The following STXBP6 variants were observed in gnomAD, a reference collection of about 807,000 sequenced individuals.
The protein encoded by STXBP6 is syntaxin binding protein 6.
A neutral mutation model predicts 26.9 loss-of-function variants in STXBP6; 21 were observed. That is an observed-to-expected ratio of 0.78 (90% confidence interval 0.55 to 1.12). STXBP6 has a LOEUF of 1.12. STXBP6 is among the 50% of genes most tolerant of loss of function. The pLI is 0.00. For synonymous variants in STXBP6, 97 were observed against 92.6 expected, an observed-to-expected ratio of 1.05 and a Z score of -0.27; for missense variants, 232 against 257.9, an observed-to-expected ratio of 0.90 and a Z score of 0.69.
intron 2 of STXBP6, 67 bp downstream of exon 2, chr14:24,974,598 A>G: frequency 1.4e-6 from 2 of 1,395,396 alleles, no homozygotes; most frequent in Non-Finnish European, 1.9e-6. Flanking sequence ...AACCTCCTGG[A>G]TACCTCAGAA....
chr14:25,016,435 T>A (rs1312515492), intron 1 of STXBP6, among the ~76,000 whole-genome samples: 1 of 152,212 alleles, frequency 6.6e-6, no homozygotes, highest in African/African-American at 2.4e-5. Context: ...ACTGAGGTCC[T>A]AGGCAATCCT....
chr14:24,976,852 C>CTTTTTTTTTTTTTTTTTTTTTTTT lies in STXBP6; in HGVS notation c.-32-2026_-32-2003dup, dbSNP rs71121808. ...CAAAGTCCTGAGCTGACTGGGCGCT[C>CTTTTTTTTTTTTTTTTTTTTTTTT]TTTTTTTTTTTTTTTTTTTTTTTTT... is the stretch of plus-strand genomic sequence containing the variant. On this transcript the variant is annotated intron_variant, in intron 1 of 5. Transcript: ENST00000323944. Among the ~76,000 whole-genome samples, 5 of 45,276 alleles carry CTTTTTTTTTTTTTTTTTTTTTTTT rather than the reference C, an allele frequency of 1.1e-4. 1 individual carries two copies. Among genetic ancestry groups the CTTTTTTTTTTTTTTTTTTTTTTTT allele is most frequent in the African/African-American group, 5.6e-4 (5 of 8,900 alleles). 29.7% of individuals were successfully genotyped at this position (45,276 alleles called of 152,430 possible).
chr14:24,927,004 T>C (rs2072199340), intron 2 of STXBP6, among the ~76,000 whole-genome samples: 1 of 152,052 alleles, frequency 6.6e-6, no homozygotes, highest in Non-Finnish European at 1.5e-5. Flanking sequence ...AACAATGGGG[T>C]GAAATTAAAA....
intron 1 of STXBP6, among the ~76,000 whole-genome samples, chr14:24,998,253 T>C (rs2074657668): frequency 6.6e-6 from 1 of 152,218 alleles, no homozygotes; most frequent in South Asian, 2.1e-4. Flanking sequence ...TGGGTTATTA[T>C]GTTGATTGTC....
At chr14:24,815,579 C>T (rs1315190578) in intron 5 of STXBP6, 2 of 151,910 alleles carry the variant, frequency 1.3e-5, no homozygotes, top group African/African-American at 4.8e-5. Context: ...GCCATTCCCT[C>T]GCAGTGAGAG....
At position 24,953,541 on chromosome 14, in the gene STXBP6, C is replaced by A. The variant is rs1360637884; in HGVS notation, c.154+21124G>T. 2.0e-5 allele frequency among the ~76,000 whole-genome samples: 3 copies of A among 152,206 alleles called. No individual in the cohort carries two copies. The East Asian group carries it at 5.8e-4, about 29-fold the overall frequency. On this transcript the variant is annotated intron_variant, in intron 2 of 5. Coordinates refer to ENST00000323944, the MANE Select transcript of STXBP6 (RefSeq NM_001394410.1). ...TGCTGCTCCCACGCTTTCCGCATGT[C>A]CCCAGGAAACTCTTTTTCAACCCTC... is the stretch of plus-strand genomic sequence containing the variant.
chr14:24,999,830 C>A (rs549127414), intron 1 of STXBP6, among the ~76,000 whole-genome samples: 26 of 152,286 alleles, frequency 1.7e-4, no homozygotes, highest in Middle Eastern at 3.4e-3. Flanking sequence ...ACTGAAGCCT[C>A]TAATACCTCT....
intron 2 of STXBP6, among the ~76,000 whole-genome samples, chr14:24,964,834 T>C (rs1192168190): frequency 1.3e-5 from 2 of 152,170 alleles, no homozygotes; most frequent in Non-Finnish European, 2.9e-5. Context: ...TTTTGTTTTA[T>C]TTTGTTTTAA....
At chr14:24,812,803 G>A in intron 5 of STXBP6, 71 bp from the exon 6 acceptor site, 2 of 1,450,192 alleles carry the variant, frequency 1.4e-6, no homozygotes, top group East Asian at 4.6e-5. Flanking sequence ...TCACTGTGCT[G>A]CTCCCTCTCC....
At chr14:24,982,452 C>T (rs142570733) in intron 1 of STXBP6, among the ~76,000 whole-genome samples, 4 of 152,312 alleles carry the variant, frequency 2.6e-5, no homozygotes, top group African/African-American at 4.8e-5. Context: ...CGTTAGCCTG[C>T]GCTTGCTCTC....
intron 2 of STXBP6, among the ~76,000 whole-genome samples, chr14:24,920,640 G>C (rs1342739638): frequency 1.3e-5 from 2 of 151,982 alleles, no homozygotes; most frequent in Non-Finnish European, 2.9e-5. Flanking sequence ...CTCCACCCCA[G>C]TAGAGCCATA....
chr14:25,032,691 G>A (rs191303934), intron 1 of STXBP6, among the ~76,000 whole-genome samples: 3 of 152,262 alleles, frequency 2.0e-5, no homozygotes, highest in East Asian at 1.9e-4. Context: ...AGAGTCCCTC[G>A]ATCAATGTAA....
intron 2 of STXBP6, among the ~76,000 whole-genome samples, chr14:24,971,183 T>A (rs756686768): frequency 6.6e-6 from 1 of 152,182 alleles, no homozygotes; most frequent in Non-Finnish European, 1.5e-5. Flanking sequence ...GTAAGTCTTA[T>A]GATCACAGAC....
At chr14:24,834,479 CTTG>C (rs1205729576) in intron 4 of STXBP6, among the ~76,000 whole-genome samples, 1 of 152,024 alleles carries the variant, frequency 6.6e-6, no homozygotes, top group East Asian at 1.9e-4. Context: ...GAATGAAATC[CTTG>C]TTGTGGGAAT....
At position 24,810,776 on chromosome 14, in the gene STXBP6, T is replaced by G. The variant is rs1483017655; in HGVS notation, c.*1933A>C. ...TTCTGTTCTTGAATTTGGCGGACTG[T>G]CAGGGGGTTTTAGATTTATCCTTTC... On this transcript the variant is annotated 3_prime_UTR_variant, in exon 6 of 6. Transcript: ENST00000323944. 6.6e-6 allele frequency: 1 copy of G among 152,070 alleles called. No individual in the cohort carries two copies. Among genetic ancestry groups the G allele is most frequent in the Non-Finnish European group, 1.5e-5 (1 of 68,014 alleles). 9.4% of individuals were successfully genotyped at this position (152,070 alleles called of 1,614,324 possible).
chr14:24,889,476 T>G, intron 2 of STXBP6, among the ~76,000 whole-genome samples: 1 of 147,898 alleles, frequency 6.8e-6, no homozygotes, highest in Admixed American at 6.7e-5. Flanking sequence ...AATGACGAGT[T>G]AATGGGTGCA....
intron 1 of STXBP6, among the ~76,000 whole-genome samples, chr14:25,034,075 G>A (rs2075509274): frequency 6.6e-6 from 1 of 152,138 alleles, no homozygotes; most frequent in African/African-American, 2.4e-5. Flanking sequence ...TTCCAAGCCT[G>A]GACATGAAAC....
At chr14:24,968,611 T>C (rs2073808962) in intron 2 of STXBP6, among the ~76,000 whole-genome samples, 1 of 152,146 alleles carries the variant, frequency 6.6e-6, no homozygotes, top group African/African-American at 2.4e-5. Context: ...TGGATTCTTC[T>C]CTACATGACA....
chr14:24,940,392 A>C (rs1437921014), intron 2 of STXBP6, among the ~76,000 whole-genome samples: 1 of 152,222 alleles, frequency 6.6e-6, no homozygotes, highest in Non-Finnish European at 1.5e-5. Flanking sequence ...TATTGAAAGC[A>C]TTCTGCCAAA....
Sources: gnomAD v4.1 joint callset for allele counts (sites outside exome capture counted in the v4.1 genomes callset) on GRCh38, gnomAD v4.1.1 for gene constraint, MANE v1.5 for transcripts, NCBI Gene and HGNC (gene_info 2026-07-23, HGNC 2026-07-21) for gene names.